The following SPMIP9 variants were observed in gnomAD, a reference collection of about 807,000 sequenced individuals.
SPMIP9 encodes protein SPMIP9.
At chr2:88,526,646 A>T in the SPMIP9 span, 2 of 646,076 alleles carry the variant, frequency 3.1e-6, no homozygotes, top group East Asian at 2.7e-5. Context: ...TTTTCTGTGC[A>T]TGTGCATGTA....
At chr2:88,525,743 C>G in the SPMIP9 span, 1 of 1,509,624 alleles carries the variant, frequency 6.6e-7, no homozygotes, top group Non-Finnish European at 9.2e-7. Flanking sequence ...CCTGGAAGGG[C>G]CAGGCTCTTT....
At chr2:88,528,952 A>G in the SPMIP9 span, 2 of 1,263,934 alleles carry the variant, frequency 1.6e-6, no homozygotes, top group Admixed American at 2.6e-5. Flanking sequence ...AGTTTTGAAA[A>G]AATAAAGAAG....
the SPMIP9 span, chr2:88,529,320 C>A: frequency 6.2e-7 from 1 of 1,614,204 alleles, no homozygotes; most frequent in African/African-American, 1.3e-5. Context: ...CTCCAGAGTG[C>A]TGACTTTCCG....
At chr2:88,529,571 G>A in the SPMIP9 span, 1 of 1,171,020 alleles carries the variant, frequency 8.5e-7, no homozygotes, top group South Asian at 1.6e-5. Context: ...AAACTGGAAA[G>A]ATGTTCCAAC....
At chr2:88,526,527 A>G in the SPMIP9 span, 79 of 1,522,606 alleles carry the variant, frequency 5.2e-5, 1 homozygote, top group East Asian at 1.7e-3. Flanking sequence ...CTGTCATTCA[A>G]TCAACTGCCT....
At chr2:88,526,423 A>G in the SPMIP9 span, 2,340 of 1,613,914 alleles carry the variant, frequency 1.4e-3, 1 homozygote, top group Non-Finnish European at 1.8e-3. Flanking sequence ...GGATTTAGAC[A>G]TATACCAAAG....
At chr2:88,527,310 A>T in the SPMIP9 span, among the ~76,000 whole-genome samples, 4 of 152,104 alleles carry the variant, frequency 2.6e-5, no homozygotes, top group Non-Finnish European at 5.9e-5. Context: ...CCTGGCTGAC[A>T]TGGCGAAATC....
At chr2:88,525,196 C>A in the SPMIP9 span, among the ~76,000 whole-genome samples, 2 of 152,206 alleles carry the variant, frequency 1.3e-5, no homozygotes, top group Admixed American at 6.5e-5. Flanking sequence ...CTGTGCATAT[C>A]TGTGCAACTC....
the SPMIP9 span, chr2:88,526,474 T>C: frequency 4.3e-6 from 7 of 1,613,952 alleles, no homozygotes; most frequent in African/African-American, 8.0e-5. Context: ...GAAGCACAAA[T>C]ACTCCAGGGT....
the SPMIP9 span, chr2:88,526,605 A>G: frequency 8.7e-6 from 7 of 801,582 alleles, no homozygotes; most frequent in Non-Finnish European, 1.5e-5. Flanking sequence ...TTAGAACAAT[A>G]TCCAATGCCA....
the SPMIP9 span, chr2:88,526,398 G>A: frequency 1.9e-6 from 3 of 1,606,732 alleles, no homozygotes; most frequent in Non-Finnish European, 1.7e-6. Flanking sequence ...TTCTCCTTGT[G>A]CTTTAGGACC....
At chr2:88,529,452 C>G in the SPMIP9 span, 4 of 1,612,792 alleles carry the variant, frequency 2.5e-6, no homozygotes, top group Admixed American at 5.0e-5. Flanking sequence ...CGGTGGGGAC[C>G]CTTGATGCCA....
the SPMIP9 span, chr2:88,525,820 AAGAAGAAG>A: frequency 1.4e-6 from 1 of 730,514 alleles, no homozygotes; most frequent in Non-Finnish European, 2.2e-6. Flanking sequence ...TTGGTACAAG[AAGAAGAAG>A]AGAACTGAGT....
chr2:88,527,325 C>T, the SPMIP9 span, among the ~76,000 whole-genome samples: 5 of 152,090 alleles, frequency 3.3e-5, no homozygotes, highest in Non-Finnish European at 4.4e-5. Context: ...GAAATCCCGT[C>T]TCTATAAAAA....
chr2:88,529,432 C>T, the SPMIP9 span: 2 of 1,613,912 alleles, frequency 1.2e-6, no homozygotes, highest in Admixed American at 1.7e-5. Flanking sequence ...TCAAGGTCCC[C>T]ATCTTGAACC....
the SPMIP9 span, among the ~76,000 whole-genome samples, chr2:88,525,314 A>G: frequency 6.6e-6 from 1 of 152,216 alleles, no homozygotes; most frequent in Non-Finnish European, 1.5e-5. Context: ...CCCTGAAAAC[A>G]TGGTTGTTAA....
chr2:88,526,584 T>G, the SPMIP9 span: 1 of 1,041,284 alleles, frequency 9.6e-7, no homozygotes, highest in African/African-American at 1.6e-5. Flanking sequence ...ATGTGGACAT[T>G]TGGGCCCTTG....
chr2:88,527,016 T>C, the SPMIP9 span, among the ~76,000 whole-genome samples: 1 of 152,152 alleles, frequency 6.6e-6, no homozygotes, highest in Non-Finnish European at 1.5e-5. Context: ...ATACAAAAAA[T>C]TGTAAATAAT....
chr2:88,528,441 A>T, the SPMIP9 span, among the ~76,000 whole-genome samples: 1 of 152,122 alleles, frequency 6.6e-6, no homozygotes, highest in African/African-American at 2.4e-5. Context: ...CCTGGCCCTA[A>T]GCATTTTTCA....
Sources: gnomAD v4.1 joint callset for allele counts (sites outside exome capture counted in the v4.1 genomes callset) on GRCh38, gnomAD v4.1.1 for gene constraint, MANE v1.5 for transcripts, NCBI Gene and HGNC (gene_info 2026-07-23, HGNC 2026-07-21) for gene names.